CACNA2D2: variants seen among roughly 807,000 people sequenced by gnomAD.
The protein encoded by CACNA2D2 is calcium voltage-gated channel auxiliary subunit alpha2delta 2.
A neutral mutation model predicts 166.4 loss-of-function variants in CACNA2D2; 48 were observed. That is an observed-to-expected ratio of 0.29 (90% CI 0.23 to 0.37). The LOEUF is 0.37. Among genes scored for constraint, CACNA2D2 ranks in the 10% least tolerant of loss-of-function variants. The probability of loss-of-function intolerance (pLI) is 1.00; values close to 1 mark genes in which losing one functional copy is unlikely to be tolerated. For missense variants in CACNA2D2, 1,122 were observed against 1,433.0 expected, an observed-to-expected ratio of 0.78 and a Z score of 3.50; for synonymous variants, 561 against 573.7, an observed-to-expected ratio of 0.98 and a Z score of 0.32.
chr3:50,473,982 C>G (rs1369572055), intron 2 of CACNA2D2, among the ~76,000 whole-genome samples: 1 of 152,264 alleles, frequency 6.6e-6, no homozygotes, highest in African/African-American at 2.4e-5. Context: ...GTCAGCACTT[C>G]TCTGCCTGCC....
intron 5 of CACNA2D2, among the ~76,000 whole-genome samples, chr3:50,385,491 C>T (rs981997457): frequency 6.6e-6 from 1 of 152,228 alleles, no homozygotes; most frequent in African/African-American, 2.4e-5. Flanking sequence ...AGGCATTTGA[C>T]CAAGCTGTGT....
At position 50,380,394 on chromosome 3, in the gene CACNA2D2, C is replaced by T. The variant is rs587653998; in HGVS notation, c.842+354G>A. Among the ~76,000 whole-genome samples the T allele has an allele frequency of 9.2e-5, 14 of 152,210 alleles. No individual in the cohort carries two copies. The East Asian group carries it at 1.9e-3, about 21-fold the overall frequency. On this transcript the variant is annotated intron_variant, in intron 8 of 37. Transcript: ENST00000424201. This position sits in a 1 kb window ranked among gnomAD's most constrained non-coding sequence, Gnocchi z 4.9. ...GGGAAGGAGAGTCACAGGGAGCTGCCGGAGGGGCAGAACAGAGGGGAGGGA... is the reference window on the plus strand; with the variant it reads ...GGGAAGGAGAGTCACAGGGAGCTGCTGGAGGGGCAGAACAGAGGGGAGGGA...
At position 50,380,729 on chromosome 3, in the gene CACNA2D2, C is replaced by T. The variant is rs1225130620; in HGVS notation, c.842+19G>A. 2 of 1,506,948 alleles carry T rather than the reference C, an allele frequency of 1.3e-6. No individual in the cohort carries two copies. Among genetic ancestry groups the T allele is most frequent in the Non-Finnish European group, 1.8e-6 (2 of 1,126,898 alleles). 93.3% of individuals were successfully genotyped at this position (1,506,948 alleles called of 1,614,324 possible). On this transcript the variant is annotated intron_variant, in intron 8 of 37. Transcript: ENST00000424201. The surrounding 1 kb of genome is among the most constrained non-coding windows in gnomAD (Gnocchi z 4.9). The stretch of plus-strand genomic sequence containing the variant: ...GAACTGAGGGGGTGTCCCTCCCCAG[C>T]CCCTTCTTGCTCGCTCACCAGGGTC...
intron 3 of CACNA2D2, among the ~76,000 whole-genome samples, chr3:50,396,756 C>T (rs1047027536): frequency 1.3e-5 from 2 of 152,182 alleles, no homozygotes; most frequent in Non-Finnish European, 2.9e-5. Flanking sequence ...CATCACTGTG[C>T]CCCTCCTTCC....
At chr3:50,486,976 C>T (rs900382322) in intron 1 of CACNA2D2, among the ~76,000 whole-genome samples, 2 of 152,200 alleles carry the variant, frequency 1.3e-5, no homozygotes, top group Non-Finnish European at 2.9e-5. Context: ...AATGCTGACG[C>T]GGAGGGCCTG....
chr3:50,491,643 C>G (rs1447563191), intron 1 of CACNA2D2, among the ~76,000 whole-genome samples: 1 of 152,122 alleles, frequency 6.6e-6, no homozygotes, highest in Non-Finnish European at 1.5e-5. Flanking sequence ...TGAGAACAGG[C>G]GACAGCACCA....
chr3:50,379,414 C>T lies in CACNA2D2; in HGVS notation c.1152+18G>A. The T allele has an allele frequency of 6.2e-7, 1 of 1,610,732 alleles. No individual in the cohort carries two copies. Among genetic ancestry groups the T allele is most frequent in the Admixed American group, 1.7e-5 (1 of 59,900 alleles). The stretch of plus-strand genomic sequence containing the variant: ...CTCTACTCCCCCAGCCGCCCACTTG[C>T]CCACCCATGGGGCTCACGTTCTGCA... On this transcript the variant is annotated intron_variant, in intron 11 of 37. Coordinates refer to ENST00000424201, the MANE Select transcript of CACNA2D2 (RefSeq NM_006030.4). The surrounding 1 kb of genome is among the most constrained non-coding windows in gnomAD (Gnocchi z 6.5).
intron 2 of CACNA2D2, among the ~76,000 whole-genome samples, chr3:50,442,372 C>G (rs913349107): frequency 6.6e-6 from 1 of 152,206 alleles, no homozygotes; most frequent in African/African-American, 2.4e-5. Flanking sequence ...AATGCTCTAG[C>G]GTAGGCTGCT....
chr3:50,424,041 A>T (rs1297180804), intron 3 of CACNA2D2, among the ~76,000 whole-genome samples: 1 of 152,226 alleles, frequency 6.6e-6, no homozygotes, highest in Non-Finnish European at 1.5e-5. Flanking sequence ...AACTCTGATG[A>T]CAGATCTGTG....
At chr3:50,452,811 G>C (rs1709164808) in intron 2 of CACNA2D2, among the ~76,000 whole-genome samples, 1 of 152,172 alleles carries the variant, frequency 6.6e-6, no homozygotes, top group Non-Finnish European at 1.5e-5. Flanking sequence ...CAGCAGGCTG[G>C]TTACACCAAG....
chr3:50,478,724 C>A (rs1697909576), intron 1 of CACNA2D2, among the ~76,000 whole-genome samples: 1 of 152,204 alleles, frequency 6.6e-6, no homozygotes, highest in Non-Finnish European at 1.5e-5. Flanking sequence ...TAGAAGTGTG[C>A]TGGAGTCACA....
chr3:50,463,814 G>A (rs999407415), intron 2 of CACNA2D2, among the ~76,000 whole-genome samples: 2 of 152,246 alleles, frequency 1.3e-5, no homozygotes, highest in East Asian at 1.9e-4. Context: ...CGAAGGCTGG[G>A]CGTGAGAGAG....
chr3:50,365,613 G>A lies in CACNA2D2; in HGVS notation c.2971+20C>T. On this transcript the variant is annotated intron_variant, in intron 34 of 37. Transcript: ENST00000424201. This position sits in a 1 kb window ranked among gnomAD's most constrained non-coding sequence, Gnocchi z 4.5. ...ATTGGGGACCCGGACTTGAGGAGGC[G>A]CCTCCAAAGCCCTACCTACCTGCTT... 1.9e-6 allele frequency: 3 copies of A among 1,572,168 alleles called. No individual in the cohort carries two copies. The highest frequency in any genetic ancestry group is 1.2e-5 in the South Asian group (1 of 86,284).
chr3:50,494,826 T>G (rs1030587206), intron 1 of CACNA2D2, among the ~76,000 whole-genome samples: 3 of 151,644 alleles, frequency 2.0e-5, no homozygotes, highest in African/African-American at 2.4e-5. Context: ...AGGTGTACAC[T>G]ACTACACCTG....
At chr3:50,418,202 G>A (rs1345535478) in intron 3 of CACNA2D2, among the ~76,000 whole-genome samples, 3 of 152,264 alleles carry the variant, frequency 2.0e-5, no homozygotes, top group East Asian at 3.9e-4. Flanking sequence ...CACTGCCTGG[G>A]GCTGGACCAG....
At chr3:50,397,880 C>T (rs1199704634) in intron 3 of CACNA2D2, among the ~76,000 whole-genome samples, 1 of 152,212 alleles carries the variant, frequency 6.6e-6, no homozygotes, top group African/African-American at 2.4e-5. Context: ...CAGGGATCTC[C>T]AAGCTTAGCC....
chr3:50,430,940 G>C (rs1272120926), intron 3 of CACNA2D2, among the ~76,000 whole-genome samples: 1 of 152,126 alleles, frequency 6.6e-6, no homozygotes, highest in Non-Finnish European at 1.5e-5. Flanking sequence ...GATCTGGCCT[G>C]CTCCCTCCTG....
chr3:50,368,287 A>G (rs765560652), intron 23 of CACNA2D2, 52 bp from the exon 24 acceptor site: 2 of 1,168,904 alleles, frequency 1.7e-6, no homozygotes, highest in Admixed American at 1.7e-5. Context: ...GGACAGGGCA[A>G]TGGGGTCAAG....
intron 3 of CACNA2D2, among the ~76,000 whole-genome samples, chr3:50,430,498 G>A (rs1252148337): frequency 1.3e-5 from 2 of 152,220 alleles, no homozygotes; most frequent in African/African-American, 2.4e-5. Context: ...TTCATAGGGG[G>A]AGAAACTAAG....
Sources: gnomAD v4.1 joint callset for allele counts (sites outside exome capture counted in the v4.1 genomes callset) on GRCh38, gnomAD v4.1.1 for gene constraint, Gnocchi (gnomAD v3.1) non-coding constraint, MANE v1.5 for transcripts, NCBI Gene and HGNC (gene_info 2026-07-23, HGNC 2026-07-21) for gene names.